The following FPGS variants were observed in gnomAD, a reference collection of about 807,000 sequenced individuals.
FPGS encodes the protein folylpolyglutamate synthase, mitochondrial.
FPGS carries 53 observed loss-of-function variants against 66.5 expected under a neutral mutation model. The ratio of observed to expected loss-of-function variants is 0.80; its 90% CI spans 0.64 to 1.00. FPGS has a LOEUF of 1.00. FPGS is among the 50% of genes least tolerant of loss of function. FPGS has a pLI of 0.00. For missense variants in FPGS, 702 were observed against 807.7 expected (o/e 0.87, Z 1.59); for synonymous variants, 348 against 350.9 (o/e 0.99, Z 0.09).
rs1449941974 is a variant in FPGS at position 127,809,600 on chromosome 9, G to A, written c.1061-84G>A. 25 of 1,365,058 alleles carry A rather than the reference G, an allele frequency of 1.8e-5. No individual in the cohort carries two copies. The East Asian group carries it at 6.7e-4, about 37-fold the overall frequency. 84.6% of individuals were successfully genotyped at this position (1,365,058 alleles called of 1,614,324 possible). A position where few individuals can be genotyped will look rare whatever the true frequency, so the allele number is the denominator to read the frequency against. ...TTGAGGGCGGGCGCAGCCTGCAGGG[G>A]AGAACGGGCTCAGGAGTGTGTGTGC... is the stretch of plus-strand genomic sequence containing the variant. On this transcript the variant is annotated intron_variant, in intron 11 of 14. Transcript: ENST00000373247.
chr9:127,807,909 C>A lies in FPGS; in HGVS notation c.744+221C>A. The A allele has an allele frequency of 1.8e-6, 1 of 570,870 alleles. No individual in the cohort carries two copies. Among genetic ancestry groups the A allele is most frequent in the Admixed American group, 3.3e-5 (1 of 30,264 alleles). The allele number at this position is 570,870 out of a possible 1,614,324, so 35.4% of individuals were successfully genotyped here. ...TCACCTGAGATCCGGAGTTTGAGAC[C>A]AGCCTGACCAATATGGGGAAACTCT... is the stretch of plus-strand genomic sequence containing the variant. On this transcript the variant is annotated intron_variant, in intron 8 of 14. Transcript: ENST00000373247. This position sits in a 1 kb window ranked among gnomAD's most constrained non-coding sequence, Gnocchi z 5.8.
intron 4 of FPGS, 200 bp from the exon 5 acceptor site, chr9:127,806,773 G>C (rs1327661936): frequency 3.4e-6 from 2 of 592,898 alleles, no homozygotes; most frequent in Non-Finnish European, 6.0e-6. Flanking sequence ...TGAATAGGGT[G>C]AGCCAGGTGC....
chr9:127,804,444 C>T (rs1564440431), intron 2 of FPGS, 31 bp downstream of exon 2: 1 of 1,613,964 alleles, frequency 6.2e-7, no homozygotes, highest in Admixed American at 1.7e-5. Context: ...GACCACCTCC[C>T]ACCCCCATTT....
Position 127,807,211 on chromosome 9 carries a change from T to C in FPGS, c.504T>C (p.Asp168=), listed in dbSNP as rs1267231739. 2 of 1,614,076 alleles carry C rather than the reference T, an allele frequency of 1.2e-6. No individual in the cohort carries two copies. Among genetic ancestry groups the C allele is most frequent in the Admixed American group, 3.3e-5 (2 of 60,026 alleles). The part of the protein sequence containing the change: ...RLYHRLEETK[D]GSCVSMPPYF... ...CCTGACATGTCCCTGTGCCACAGGA[T>C]GGCAGCTGTGTCTCCATGCCCCCCT... Residue 168 remains aspartate, a splice_region_variant and synonymous_variant, in exon 6 of 15, where the codon GAT becomes GAC. Transcript: ENST00000373247. This position sits in a 1 kb window ranked among gnomAD's most constrained non-coding sequence, Gnocchi z 5.8.
At chr9:127,812,765 G>C (rs1258326572) in intron 14 of FPGS, among the ~76,000 whole-genome samples, 1 of 152,130 alleles carries the variant, frequency 6.6e-6, no homozygotes, top group African/African-American at 2.4e-5. Context: ...GACCTCAGGT[G>C]ATCCGCCCGC....
intron 4 of FPGS, among the ~76,000 whole-genome samples, chr9:127,805,533 G>A (rs1829774364): frequency 6.6e-6 from 1 of 152,126 alleles, no homozygotes; most frequent in Non-Finnish European, 1.5e-5. Flanking sequence ...GGAGGCCAAG[G>A]TGGGAGGATC....
chr9:127,807,826 G>A lies in FPGS; in HGVS notation c.744+138G>A. The A allele has an allele frequency of 1.6e-6, 1 of 619,308 alleles. No individual in the cohort carries two copies. Among genetic ancestry groups the A allele is most frequent in the Non-Finnish European group, 2.8e-6 (1 of 357,456 alleles). The allele number at this position is 619,308 out of a possible 1,614,324, so 38.4% of individuals were successfully genotyped here. A position where few individuals can be genotyped will look rare whatever the true frequency, so the allele number is the denominator to read the frequency against. On this transcript the variant is annotated intron_variant, in intron 8 of 14. Coordinates refer to ENST00000373247, the MANE Select transcript of FPGS (RefSeq NM_004957.6). This position sits in a 1 kb window ranked among gnomAD's most constrained non-coding sequence, Gnocchi z 5.8. Reference sequence around the variant, plus strand: ...CCCCATTGAAACGTGAGGGATGGCTGGGCATGGTGGCTTATATGCTTGCAA... The same window carrying A: ...CCCCATTGAAACGTGAGGGATGGCTAGGCATGGTGGCTTATATGCTTGCAA...
intron 1 of FPGS, among the ~76,000 whole-genome samples, chr9:127,804,021 G>A (rs1303676922): frequency 6.6e-6 from 1 of 152,246 alleles, no homozygotes; most frequent in African/African-American, 2.4e-5. Flanking sequence ...CAGGAAGCAA[G>A]GCTAGCCCGT....
rs1381957719 is a variant in FPGS, at chr9:127,810,000, C to T, written c.1212-31C>T. On this transcript the variant is annotated intron_variant, in intron 12 of 14. Coordinates refer to ENST00000373247, the MANE Select transcript of FPGS (RefSeq NM_004957.6). Reference sequence around the variant, plus strand: ...GTACCGCAGGGAGAACGGGCGGCGCCCTTTGACCCAGCTCCTCACCTCTGT... The same window carrying T: ...GTACCGCAGGGAGAACGGGCGGCGCTCTTTGACCCAGCTCCTCACCTCTGT... 3.1e-6 allele frequency: 5 copies of T among 1,596,110 alleles called. No homozygotes were observed. In the South Asian group the frequency reaches 3.4e-5, roughly 11 times the overall value.
At position 127,806,996 on chromosome 9, in the gene FPGS, G is replaced by A. The variant is rs960653952; in HGVS notation, c.410G>A (p.Arg137Gln). 5 of 1,614,076 alleles carry A rather than the reference G, an allele frequency of 3.1e-6. 1 individual carries two copies. In the South Asian group the frequency reaches 3.3e-5, roughly 11 times the overall value. The change falls in exon 5 of 15, where the codon CGG becomes CAG. Residue 137 changes from arginine to glutamine, a missense_variant. Coordinates refer to ENST00000373247, the MANE Select transcript of FPGS (RefSeq NM_004957.6). ...FFSSPHLVQV[R>Q]ERIRINGQPI... is the part of the protein sequence containing the mutation. ...AGCTCTCCCCACCTGGTGCAGGTTC[G>A]GGAGCGGATCCGCATCAATGGGCAG...
chr9:127,807,391 T>A lies in FPGS; in HGVS notation c.580-30T>A. On this transcript the variant is annotated intron_variant, in intron 6 of 14. Coordinates refer to ENST00000373247, the MANE Select transcript of FPGS (RefSeq NM_004957.6). This position sits in a 1 kb window ranked among gnomAD's most constrained non-coding sequence, Gnocchi z 5.8. Reference sequence around the variant, plus strand: ...CATGCGGCCTCTGGGCACCCTCATATCCCCTGCCATGCCCTCTGGTCTTTG... The same window carrying A: ...CATGCGGCCTCTGGGCACCCTCATAACCCCTGCCATGCCCTCTGGTCTTTG... 6.2e-7 allele frequency: 1 copy of A among 1,613,140 alleles called. No individual in the cohort carries two copies. The highest frequency in any genetic ancestry group is 8.5e-7 in the Non-Finnish European group (1 of 1,179,386).
In FPGS at chr9:127,804,571, G is replaced by T; in HGVS notation, c.321+19G>T. The T allele has an allele frequency of 6.2e-7, 1 of 1,614,190 alleles. No homozygotes were observed. Among genetic ancestry groups the T allele is most frequent in the Non-Finnish European group, 8.5e-7 (1 of 1,180,008 alleles). On this transcript the variant is annotated intron_variant, in intron 3 of 14. Coordinates refer to ENST00000373247, the MANE Select transcript of FPGS (RefSeq NM_004957.6). Reference sequence around the variant, plus strand: ...GGGGAAGGTGAGGGGCAGGACCCTGGGGTAGGGGGTCTATTAAGTGGCTGG... The same window carrying T: ...GGGGAAGGTGAGGGGCAGGACCCTGTGGTAGGGGGTCTATTAAGTGGCTGG...
Position 127,807,612 on chromosome 9 carries a change from C to G in FPGS, c.668C>G (p.Ser223Cys), listed in dbSNP as rs373011065. ...AAGCCTGTGGTGTGCGGAGTCTCCT[C>G]TCTTGGCATCGACCACACCAGCCTC... ...IRKPVVCGVS[S>C]LGIDHTSLLG... Residue 223 changes from serine (S) to cysteine (C), a missense_variant, in exon 8 of 15, where the codon TCT (serine) becomes TGT (cysteine). Physicochemically the swap from Ser to Cys is moderately radical, Grantham distance 112. Around this residue, in one of 3 missense-constraint regions of FPGS, gnomAD observed 240 missense variants for 348.6 expected, o/e 0.69. Coordinates refer to ENST00000373247, the MANE Select transcript of FPGS (RefSeq NM_004957.6). This position sits in a 1 kb window ranked among gnomAD's most constrained non-coding sequence, Gnocchi z 5.8. 3.7e-6 allele frequency: 6 copies of G among 1,611,982 alleles called. No individual in the cohort carries two copies. Among genetic ancestry groups the G allele is most frequent in the African/African-American group, 1.3e-5 (1 of 74,760 alleles).
Position 127,802,916 on chromosome 9 carries a change from G to T in FPGS, c.-9G>T. 1 of 1,366,210 alleles carries T rather than the reference G, an allele frequency of 7.3e-7. No individual in the cohort carries two copies. Among genetic ancestry groups the T allele is most frequent in the Non-Finnish European group, 9.4e-7 (1 of 1,065,784 alleles). 84.6% of individuals were successfully genotyped at this position (1,366,210 alleles called of 1,614,324 possible). A position where few individuals can be genotyped will look rare whatever the true frequency, so the allele number is the denominator to read the frequency against. ...CCGGGCCTAGAGCGCTGCCGGGGGC[G>T]CCGGGACTATGTCGCGGGCGCGGAG... On this transcript the variant is annotated 5_prime_UTR_variant, in exon 1 of 15. Coordinates refer to ENST00000373247, the MANE Select transcript of FPGS (RefSeq NM_004957.6).
At chr9:127,805,382 C>T (rs569137216) in intron 4 of FPGS, among the ~76,000 whole-genome samples, 1 of 151,560 alleles carries the variant, frequency 6.6e-6, no homozygotes, top group African/African-American at 2.4e-5. Context: ...TGCACATCAG[C>T]CTGGGCGACA....
downstream of FPGS, chr9:127,814,176 G>A: frequency 1.0e-6 from 1 of 985,582 alleles, no homozygotes; most frequent in Non-Finnish European, 1.2e-6. Flanking sequence ...TGTGTGGCCT[G>A]GAACAAGTCC....
At position 127,805,763 on chromosome 9, in the gene FPGS, C is replaced by T. The variant is rs145575373; in HGVS notation, c.386+1063C>T. Among the ~76,000 whole-genome samples the T allele has an allele frequency of 7.9e-5, 12 of 152,306 alleles. No homozygotes were observed. In the East Asian group the frequency reaches 1.4e-3, roughly 17 times the overall value. On this transcript the variant is annotated intron_variant, in intron 4 of 14. Coordinates refer to ENST00000373247, the MANE Select transcript of FPGS (RefSeq NM_004957.6). The stretch of plus-strand genomic sequence containing the variant: ...GCCATCCACGTTAAGGTCTCCTAGG[C>T]GGGCTGCAGATAGGAGCCCTTCTGC...
chr9:127,802,902 G>A lies in FPGS; in HGVS notation c.-23G>A, dbSNP rs1240052823. Reference sequence around the variant, plus strand: ...GGGGCGTCTCCCGCCCGGGCCTAGAGCGCTGCCGGGGGCGCCGGGACTATG... The same window carrying A: ...GGGGCGTCTCCCGCCCGGGCCTAGAACGCTGCCGGGGGCGCCGGGACTATG... On this transcript the variant is annotated 5_prime_UTR_variant, in exon 1 of 15. Coordinates refer to ENST00000373247, the MANE Select transcript of FPGS (RefSeq NM_004957.6). 4 of 1,350,828 alleles carry A rather than the reference G, an allele frequency of 3.0e-6. No individual in the cohort carries two copies. The highest frequency in any genetic ancestry group is 3.2e-5 in the East Asian group (1 of 31,670). The allele number at this position is 1,350,828 out of a possible 1,614,324, so 83.7% of individuals were successfully genotyped here. A position where few individuals can be genotyped will look rare whatever the true frequency, so the allele number is the denominator to read the frequency against.
intron 1 of FPGS, among the ~76,000 whole-genome samples, chr9:127,803,828 T>C (rs2131842117): frequency 6.6e-6 from 1 of 152,286 alleles, no homozygotes; most frequent in East Asian, 1.9e-4. Context: ...GTTGCTCCTC[T>C]GTGGGTTGGA....
Sources: allele counts gnomAD v4.1 joint callset (sites outside exome capture counted in the v4.1 genomes callset), GRCh38; gene constraint gnomAD v4.1.1; regional missense constraint gnomAD v4.1.1; non-coding constraint Gnocchi (gnomAD v3.1); transcripts MANE v1.5; gene names NCBI Gene and HGNC (gene_info 2026-07-23, HGNC 2026-07-21).